The following AFF3 variants were observed in gnomAD, a reference collection of about 807,000 sequenced individuals.
AFF3 encodes the protein AF4/FMR2 family member 3.
AFF3 carries 32 observed loss-of-function variants against 129.7 expected under a neutral mutation model. The observed-to-expected ratio is 0.25, with a 90% CI of 0.19 to 0.33. AFF3 has a LOEUF of 0.33. Ranked by LOEUF, AFF3 falls within the 10% of genes least tolerant of loss-of-function variation. The probability of loss-of-function intolerance (pLI) is 1.00; values close to 1 mark genes in which losing one functional copy is unlikely to be tolerated. For missense variants in AFF3, 1,373 were observed against 1,592.0 expected (o/e 0.86, Z 2.34); for synonymous variants, 644 against 635.4 (o/e 1.01, Z -0.20).
chr2:100,056,565 A>AT (rs796752082), intron 4 of AFF3, among the ~76,000 whole-genome samples: 20 of 152,200 alleles, frequency 1.3e-4, no homozygotes, highest in African/African-American at 4.8e-4. Flanking sequence ...GCGTAAAGGC[A>AT]TTTTTTTAGT....
chr2:99,965,409 T>C (rs549267505), intron 7 of AFF3, among the ~76,000 whole-genome samples: 3 of 152,360 alleles, frequency 2.0e-5, no homozygotes, highest in Admixed American at 6.5e-5. Context: ...ATTGTATTCA[T>C]TGGACTTCAA....
At chr2:100,030,517 C>T (rs376691696) in intron 4 of AFF3, among the ~76,000 whole-genome samples, 5 of 152,318 alleles carry the variant, frequency 3.3e-5, no homozygotes, top group African/African-American at 1.2e-4. Flanking sequence ...TCCTAGATAT[C>T]TACCCAATTA....
intron 13 of AFF3, chr2:99,631,127 C>T: frequency 3.7e-6 from 1 of 270,970 alleles, no homozygotes; most frequent in Non-Finnish European, 8.0e-6. Context: ...GTGATCCTTC[C>T]CCTCGGCCGC....
intron 7 of AFF3, chr2:100,006,366 T>C: frequency 2.9e-6 from 1 of 348,664 alleles, no homozygotes; most frequent in South Asian, 9.6e-5. Context: ...TCTCAAACTA[T>C]AGTGAAGGGG....
chr2:99,882,346 T>TC (rs1437331407), intron 7 of AFF3, among the ~76,000 whole-genome samples: 10 of 152,200 alleles, frequency 6.6e-5, no homozygotes, highest in Non-Finnish European at 1.3e-4. Flanking sequence ...CTAAAGACAC[T>TC]ATATTTTTAT....
intron 20 of AFF3, among the ~76,000 whole-genome samples, chr2:99,561,633 C>T (rs184753212): frequency 1.5e-3 from 234 of 152,250 alleles, no homozygotes; most frequent in African/African-American, 5.5e-3. Context: ...CCAGCTTGGC[C>T]TCCTAAAGTG....
intron 7 of AFF3, among the ~76,000 whole-genome samples, chr2:99,916,881 G>C (rs1695508914): frequency 1.3e-5 from 2 of 152,128 alleles, no homozygotes; most frequent in African/African-American, 4.8e-5. Context: ...CACCTGCAAA[G>C]ATGAGGGGCC....
At chr2:99,680,264 C>T (rs1317083100) in intron 11 of AFF3, among the ~76,000 whole-genome samples, 1 of 152,174 alleles carries the variant, frequency 6.6e-6, no homozygotes, top group Non-Finnish European at 1.5e-5. Flanking sequence ...GCACTTTAAC[C>T]CGGAGTGCTT....
intron 13 of AFF3, among the ~76,000 whole-genome samples, chr2:99,633,537 C>G (rs1359930069): frequency 1.3e-5 from 2 of 152,264 alleles, no homozygotes; most frequent in East Asian, 3.9e-4. Flanking sequence ...TTTCTGTCCC[C>G]CAACAAAACC....
chr2:99,611,685 G>C (rs187038801), intron 13 of AFF3, among the ~76,000 whole-genome samples: 2 of 152,028 alleles, frequency 1.3e-5, no homozygotes, highest in Non-Finnish European at 2.9e-5. Flanking sequence ...TCAGGAGTTC[G>C]AGAGCAGCCT....
chr2:99,593,215 T>C lies in AFF3; in HGVS notation c.2446A>G (p.Lys816Glu), dbSNP rs1336911540. 3.1e-6 allele frequency: 5 copies of C among 1,589,546 alleles called. No homozygotes were observed. The highest frequency in any genetic ancestry group is 4.3e-6 in the Non-Finnish European group (5 of 1,165,314). ...SDTPAEKALPKSKRKRKCDNE... is the reference protein window; with the variant it reads ...SDTPAEKALPESKRKRKCDNE... ...CCTACCTTGCGTTTCCTCTTGGATT[T>C]TGGCAAAGCCTTTTCTGCAGGTGTG... Residue 816 changes from lysine to glutamate, a missense_variant, in exon 15 of 25, where the codon AAA (lysine) becomes GAA (glutamate). By Grantham distance (56) the Lys-to-Glu change is moderately conservative. Around this residue, in one of 9 missense-constraint regions of AFF3, gnomAD observed 466 missense variants for 505.0 expected, o/e 0.92. Transcript: ENST00000672756.
chr2:99,546,005 T>C lies in AFF3; in HGVS notation c.*5469A>G, dbSNP rs886501435. ...TCTTGTGCTATTTGCCAGGAAGTTG[T>C]AATATTGAAAAACTGTGCTCTTCTG... On this transcript the variant is annotated 3_prime_UTR_variant, in exon 25 of 25. Coordinates refer to ENST00000672756, the MANE Select transcript of AFF3 (RefSeq NM_001386135.1). The C allele has an allele frequency of 1.8e-5, 4 of 220,948 alleles. No homozygotes were observed. The highest frequency in any genetic ancestry group is 6.7e-5 in the African/African-American group (3 of 44,680). 13.7% of individuals were successfully genotyped at this position (220,948 alleles called of 1,614,324 possible).
chr2:99,554,136 C>T (rs543248471), intron 24 of AFF3, among the ~76,000 whole-genome samples, 175 bp downstream of exon 24: 1 of 152,092 alleles, frequency 6.6e-6, no homozygotes, highest in Admixed American at 6.6e-5. Flanking sequence ...TATAGAACCA[C>T]CATAAAGGGT....
chr2:99,798,238 ACAAAG>A (rs1335520516), intron 8 of AFF3, among the ~76,000 whole-genome samples: 2 of 152,044 alleles, frequency 1.3e-5, no homozygotes, highest in Non-Finnish European at 2.9e-5. Flanking sequence ...CACTAAAATA[ACAAAG>A]CAAAGAGTAA....
chr2:99,698,159 T>A (rs870560), intron 11 of AFF3, among the ~76,000 whole-genome samples: 16 of 151,952 alleles, frequency 1.1e-4, no homozygotes, highest in Non-Finnish European at 2.9e-5. Context: ...CCTAATCTAA[T>A]CTGTGCAACA....
intron 12 of AFF3, among the ~76,000 whole-genome samples, chr2:99,655,157 G>T (rs11123790): frequency 6.6e-6 from 1 of 151,182 alleles, no homozygotes; most frequent in African/African-American, 2.4e-5. Context: ...GTCACAACAA[G>T]CAAAGCCCTT....
At chr2:99,902,801 T>C (rs1694445465) in intron 7 of AFF3, among the ~76,000 whole-genome samples, 2 of 152,128 alleles carry the variant, frequency 1.3e-5, no homozygotes. Context: ...ACTGCCAACA[T>C]CCTACATAAT....
At chr2:99,786,315 T>A (rs1684788795) in intron 8 of AFF3, among the ~76,000 whole-genome samples, 1 of 152,160 alleles carries the variant, frequency 6.6e-6, no homozygotes, top group African/African-American at 2.4e-5. Context: ...TGAGGCTCCA[T>A]GAGATATTGG....
intron 11 of AFF3, among the ~76,000 whole-genome samples, chr2:99,720,612 G>A (rs966212026): frequency 1.1e-4 from 17 of 152,154 alleles, no homozygotes; most frequent in African/African-American, 4.1e-4. Flanking sequence ...AATGGACTAT[G>A]ACAGTCCATT....
Sources: allele counts gnomAD v4.1 joint callset (sites outside exome capture counted in the v4.1 genomes callset), GRCh38; gene constraint gnomAD v4.1.1; regional missense constraint gnomAD v4.1.1; transcripts MANE v1.5; gene names NCBI Gene and HGNC (gene_info 2026-07-23, HGNC 2026-07-21).